SMG7: variants seen among roughly 807,000 people sequenced by gnomAD.
SMG7 encodes SMG7 nonsense mediated mRNA decay factor, also known as nonsense-mediated mRNA decay factor SMG7.
Under a neutral mutation model 148.2 loss-of-function variants are expected in SMG7, and 34 were observed. The observed-to-expected ratio is 0.23, with a 90% CI of 0.17 to 0.31. SMG7 has a LOEUF of 0.31. Ranked by LOEUF, SMG7 falls within the 10% of genes least tolerant of loss-of-function variation. SMG7 has a pLI of 1.00. For synonymous variants in SMG7, 492 were observed against 515.1 expected (o/e 0.96, Z 0.61); for missense variants, 1,114 against 1,408.4 (o/e 0.79, Z 3.35).
intron 1 of SMG7, among the ~76,000 whole-genome samples, chr1:183,480,664 T>C (rs549583229): frequency 1.6e-4 from 25 of 152,178 alleles, no homozygotes; most frequent in Non-Finnish European, 3.1e-4. Flanking sequence ...TACAAGTAAG[T>C]ACTCAATTAC....
chr1:183,538,262 A>G (rs1232729619), intron 11 of SMG7, 118 bp from the exon 12 acceptor site: 2 of 694,324 alleles, frequency 2.9e-6, no homozygotes, highest in African/African-American at 3.6e-5. Flanking sequence ...AAGAGCAGAG[A>G]ACAATAAGCA....
intron 1 of SMG7, among the ~76,000 whole-genome samples, chr1:183,491,092 A>T (rs1437332603): frequency 6.6e-6 from 1 of 152,220 alleles, no homozygotes; most frequent in East Asian, 1.9e-4. Context: ...GACCCCTTGC[A>T]GTCAATCTTA....
At position 183,526,654 on chromosome 1, in the gene SMG7, C is replaced by T. The variant is rs889907382; in HGVS notation, c.371C>T (p.Ser124Phe). ...NVDLPCRVKSSQLGIISNKQT... is the reference protein window; with the variant it reads ...NVDLPCRVKSFQLGIISNKQT... ...GATTTACCATGCCGTGTGAAGTCTT[C>T]CCAATTGGGAATTATCAGCAATAAA... The change falls in exon 5 of 23, where the codon TCC becomes TTC. Residue 124 changes from serine (S) to phenylalanine (F), a missense_variant. Around this residue, in one of 4 missense-constraint regions of SMG7, gnomAD observed 216 missense variants for 329.1 expected, o/e 0.66. Transcript: ENST00000688051. 1 of 1,613,606 alleles carries T rather than the reference C, an allele frequency of 6.2e-7. No individual in the cohort carries two copies. The highest frequency in any genetic ancestry group is 2.2e-5 in the East Asian group (1 of 44,872).
At chr1:183,498,653 T>C (rs1659085670) in intron 1 of SMG7, among the ~76,000 whole-genome samples, 1 of 152,212 alleles carries the variant, frequency 6.6e-6, no homozygotes, top group South Asian at 2.1e-4. Flanking sequence ...GGTATAGAGA[T>C]TTCCCATATA....
chr1:183,496,040 C>T (rs1658407236), intron 1 of SMG7, among the ~76,000 whole-genome samples: 1 of 152,074 alleles, frequency 6.6e-6, no homozygotes, highest in Admixed American at 6.6e-5. Flanking sequence ...GAATTCCAGT[C>T]CTAGCACTTA....
At chr1:183,543,148 A>C (rs1051299452) in intron 14 of SMG7, among the ~76,000 whole-genome samples, 1 of 152,120 alleles carries the variant, frequency 6.6e-6, no homozygotes, top group Admixed American at 6.5e-5. Flanking sequence ...TCTTTTTATT[A>C]ATATATTTTC....
chr1:183,489,869 G>A (rs1268425488), intron 1 of SMG7, among the ~76,000 whole-genome samples: 1 of 152,198 alleles, frequency 6.6e-6, no homozygotes, highest in Non-Finnish European at 1.5e-5. Context: ...GAAAGACTGA[G>A]CAGAAAAGTT....
intron 1 of SMG7, among the ~76,000 whole-genome samples, chr1:183,481,032 C>G (rs977868289): frequency 6.6e-6 from 1 of 152,168 alleles, no homozygotes; most frequent in African/African-American, 2.4e-5. Flanking sequence ...TACCACCTGT[C>G]CCCCTGCCAA....
Position 183,553,428 on chromosome 1 carries a change from T to C in SMG7, c.*1497T>C. On this transcript the variant is annotated 3_prime_UTR_variant, in exon 23 of 23. Transcript: ENST00000688051. ...TGTGTACACACACGTGCCCATCTGC[T>C]GTCCCAGAGGGGAGGGGTTGTGTGT... is the stretch of plus-strand genomic sequence containing the variant. 1 of 516,666 alleles carries C rather than the reference T, an allele frequency of 1.9e-6. No homozygotes were observed. Among genetic ancestry groups the C allele is most frequent in the Non-Finnish European group, 3.5e-6 (1 of 287,588 alleles). 32.0% of individuals were successfully genotyped at this position (516,666 alleles called of 1,614,324 possible). A position where few individuals can be genotyped will look rare whatever the true frequency, so the allele number is the denominator to read the frequency against.
chr1:183,542,109 G>A lies in SMG7; in HGVS notation c.1449G>A (p.Leu483=). Residue 483 remains leucine (L), a synonymous_variant, in exon 14 of 23, where the codon TTG becomes TTA. Transcript: ENST00000688051. ...LIQCENEVGK[L]LFITEIPELI... is the part of the protein sequence containing the mutation. ...AGTGTGAAAATGAGGTAGGGAAATT[G>A]TTGTTTATCACAGAAATCCCAGAAT... The A allele has an allele frequency of 6.2e-7, 1 of 1,613,222 alleles. No homozygotes were observed. The highest frequency in any genetic ancestry group is 1.1e-5 in the South Asian group (1 of 90,980).
At chr1:183,509,200 C>T (rs1661614585) in intron 1 of SMG7, among the ~76,000 whole-genome samples, 1 of 152,122 alleles carries the variant, frequency 6.6e-6, no homozygotes, top group African/African-American at 2.4e-5. Flanking sequence ...AAGGGAATTT[C>T]ATCCACAAGC....
intron 20 of SMG7, 149 bp downstream of exon 20, chr1:183,550,072 T>C: frequency 1.7e-6 from 1 of 595,700 alleles, no homozygotes; most frequent in Admixed American, 3.7e-5. Flanking sequence ...TGAAAGGAAA[T>C]AGAAAAAAAA....
chr1:183,480,350 A>G (rs1287655682), intron 1 of SMG7, among the ~76,000 whole-genome samples: 2 of 151,954 alleles, frequency 1.3e-5, no homozygotes, highest in African/African-American at 4.8e-5. Flanking sequence ...GCCCTAACCT[A>G]TGTTTTTCCT....
chr1:183,486,266 C>T (rs780649794), intron 1 of SMG7, among the ~76,000 whole-genome samples: 10 of 152,198 alleles, frequency 6.6e-5, no homozygotes, highest in East Asian at 3.9e-4. Context: ...TTTTGAATTA[C>T]GTGAATTTCT....
In SMG7 at chr1:183,548,900, G is replaced by A. The variant is rs1038962079; in HGVS notation, c.2893-308G>A. 7.1e-5 allele frequency: 24 copies of A among 339,262 alleles called. No individual in the cohort carries two copies. In the South Asian group the frequency reaches 1.2e-3, roughly 17 times the overall value. 21.0% of individuals were successfully genotyped at this position (339,262 alleles called of 1,614,324 possible). A position where few individuals can be genotyped will look rare whatever the true frequency, so the allele number is the denominator to read the frequency against. On this transcript the variant is annotated intron_variant, in intron 18 of 22. Coordinates refer to ENST00000688051, the MANE Select transcript of SMG7 (RefSeq NM_001375584.1). ...TGTTTTGAGATTAAGTGCAACTATTGACAAGGGGATTCCTGAGGTCCATGC... is the reference window on the plus strand; with the variant it reads ...TGTTTTGAGATTAAGTGCAACTATTAACAAGGGGATTCCTGAGGTCCATGC...
intron 2 of SMG7, among the ~76,000 whole-genome samples, chr1:183,515,478 C>A (rs906418431): frequency 6.6e-6 from 1 of 151,990 alleles, no homozygotes; most frequent in East Asian, 1.9e-4. Context: ...AAAAGAGATA[C>A]AGTATGAGAG....
At chr1:183,537,289 G>C (rs1407030479) in intron 11 of SMG7, 74 bp downstream of exon 11, 7 of 1,078,754 alleles carry the variant, frequency 6.5e-6, no homozygotes, top group Non-Finnish European at 1.4e-6. Context: ...CAGAGAAAAA[G>C]AGGTTTTTGG....
At chr1:183,508,116 G>A in intron 1 of SMG7, 6 of 968,194 alleles carry the variant, frequency 6.2e-6, no homozygotes, top group Non-Finnish European at 7.4e-6. Flanking sequence ...CTCTGTATGA[G>A]CATTGGCTGT....
In SMG7 at chr1:183,537,299, G is replaced by C. The variant is rs1449712491; in HGVS notation, c.1234+84G>C. 5.2e-6 allele frequency: 5 copies of C among 953,950 alleles called. No homozygotes were observed. In the South Asian group the frequency reaches 6.8e-5, roughly 13 times the overall value. The allele number at this position is 953,950 out of a possible 1,614,324, so 59.1% of individuals were successfully genotyped here. On this transcript the variant is annotated intron_variant, in intron 11 of 22. Transcript: ENST00000688051. ...AATGCCAGAGAAAAAGAGGTTTTTG[G>C]TGATGAATGATTGATTTTAAATTCA...
Sources: gnomAD v4.1 joint callset for allele counts (sites outside exome capture counted in the v4.1 genomes callset) on GRCh38, gnomAD v4.1.1 for gene constraint, gnomAD v4.1.1 regional missense constraint, MANE v1.5 for transcripts, NCBI Gene and HGNC (gene_info 2026-07-23, HGNC 2026-07-21) for gene names.